TBL1XR1: variants seen among roughly 807,000 people sequenced by gnomAD.
TBL1XR1 encodes F-box-like/WD repeat-containing protein TBL1XR1.
A neutral mutation model predicts 66.9 loss-of-function variants in TBL1XR1; 5 were observed. That is an observed-to-expected ratio of 0.07 (90% CI 0.04 to 0.16). The LOEUF (loss-of-function observed/expected upper bound fraction) is 0.16, where lower values mean the gene tolerates loss of function less well. TBL1XR1 is among the 10% of genes least tolerant of loss of function. TBL1XR1 has a pLI of 1.00. For synonymous variants in TBL1XR1, 210 were observed against 206.0 expected (o/e 1.02, Z -0.17); for missense variants, 238 against 623.2 (o/e 0.38, Z 6.58).
At chr3:177,159,671 A>T (rs1378181958) in intron 1 of TBL1XR1, among the ~76,000 whole-genome samples, 2 of 152,220 alleles carry the variant, frequency 1.3e-5, no homozygotes, top group Admixed American at 1.3e-4. Context: ...AAGTCATCCA[A>T]GTAAATAATT....
intron 1 of TBL1XR1, among the ~76,000 whole-genome samples, chr3:177,185,569 T>A (rs76816627): frequency 6.6e-6 from 1 of 151,804 alleles, no homozygotes; most frequent in African/African-American, 2.4e-5. Flanking sequence ...ATCAACGCCA[T>A]TGCACTCCAG....
intron 1 of TBL1XR1, among the ~76,000 whole-genome samples, chr3:177,128,804 G>A (rs187826350): frequency 6.6e-6 from 1 of 152,206 alleles, no homozygotes; most frequent in African/African-American, 2.4e-5. Flanking sequence ...TGAATGTCAT[G>A]AAATATCTCT....
chr3:177,191,052 C>A (rs1736082659), intron 1 of TBL1XR1, among the ~76,000 whole-genome samples: 1 of 152,148 alleles, frequency 6.6e-6, no homozygotes, highest in South Asian at 2.1e-4. Flanking sequence ...AAGGGAACAA[C>A]AGCATGCACA....
intron 1 of TBL1XR1, among the ~76,000 whole-genome samples, chr3:177,117,411 T>C (rs1352440568): frequency 6.6e-6 from 1 of 152,232 alleles, no homozygotes; most frequent in Admixed American, 6.5e-5. Context: ...TATTTTAAAA[T>C]AGTACCTTTA....
chr3:177,054,531 C>CA (rs1375494287), intron 3 of TBL1XR1, among the ~76,000 whole-genome samples: 1 of 152,092 alleles, frequency 6.6e-6, no homozygotes, highest in Non-Finnish European at 1.5e-5. Context: ...GTCTGTAAAG[C>CA]AATCTAGCAC....
chr3:177,114,855 T>C (rs1367227402), intron 1 of TBL1XR1, among the ~76,000 whole-genome samples: 1 of 151,952 alleles, frequency 6.6e-6, no homozygotes, highest in African/African-American at 2.4e-5. Context: ...GGCATGCACT[T>C]GTAGTCCCAG....
chr3:177,088,857 T>C (rs1322184832), intron 2 of TBL1XR1, among the ~76,000 whole-genome samples: 1 of 151,558 alleles, frequency 6.6e-6, no homozygotes, highest in Non-Finnish European at 1.5e-5. Flanking sequence ...ACAATGTCCT[T>C]CTTTCTTCAC....
intron 1 of TBL1XR1, among the ~76,000 whole-genome samples, chr3:177,103,284 T>C (rs1724457881): frequency 1.3e-5 from 2 of 152,236 alleles, no homozygotes; most frequent in Non-Finnish European, 2.9e-5. Context: ...AATCACATTA[T>C]TAGTGTAAAA....
intron 1 of TBL1XR1, among the ~76,000 whole-genome samples, chr3:177,107,150 A>C (rs760750382): frequency 1.1e-4 from 16 of 152,188 alleles, no homozygotes; most frequent in Non-Finnish European, 2.1e-4. Context: ...TACTAAACTG[A>C]AAACTGTCAT....
At chr3:177,146,589 C>CAAAAAAAAAAAAAAAAAAAA (rs78065426) in intron 1 of TBL1XR1, among the ~76,000 whole-genome samples, 583 of 51,890 alleles carry the variant, frequency 0.011, 115 homozygotes, top group Middle Eastern at 0.038. Context: ...GACTCCATCT[C>CAAAAAAAAAAAAAAAAAAAA]AAAAAAAAAA....
intron 2 of TBL1XR1, among the ~76,000 whole-genome samples, chr3:177,083,594 A>G (rs920723178): frequency 6.6e-6 from 1 of 152,196 alleles, no homozygotes; most frequent in Non-Finnish European, 1.5e-5. Flanking sequence ...TTATCTTAAC[A>G]TTTTACTATG....
chr3:177,133,293 A>C (rs1393611667), intron 1 of TBL1XR1, among the ~76,000 whole-genome samples: 1 of 152,136 alleles, frequency 6.6e-6, no homozygotes, highest in African/African-American at 2.4e-5. Context: ...GTCTCAAAAA[A>C]TAAAAAATAA....
At chr3:177,053,187 G>C (rs1264242879) in intron 4 of TBL1XR1, among the ~76,000 whole-genome samples, 1 of 152,154 alleles carries the variant, frequency 6.6e-6, no homozygotes, top group South Asian at 2.1e-4. Flanking sequence ...AGAGTAGACA[G>C]TAAATATTAA....
At chr3:177,160,085 G>A (rs1731994192) in intron 1 of TBL1XR1, among the ~76,000 whole-genome samples, 1 of 152,052 alleles carries the variant, frequency 6.6e-6, no homozygotes, top group African/African-American at 2.4e-5. Context: ...GAGCAAGAGG[G>A]AACAAAATAA....
At chr3:177,166,300 G>A (rs1732815607) in intron 1 of TBL1XR1, among the ~76,000 whole-genome samples, 1 of 152,098 alleles carries the variant, frequency 6.6e-6, no homozygotes, top group Admixed American at 6.6e-5. Flanking sequence ...CTCACCAATA[G>A]GGAAACATAC....
intron 2 of TBL1XR1, among the ~76,000 whole-genome samples, chr3:177,068,937 A>T (rs560156558): frequency 2.0e-4 from 30 of 152,344 alleles, no homozygotes; most frequent in Admixed American, 2.0e-3. Context: ...TACAAACATA[A>T]CTTAGTCCAA....
At chr3:177,093,567 A>G (rs1400214629) in intron 2 of TBL1XR1, among the ~76,000 whole-genome samples, 2 of 152,192 alleles carry the variant, frequency 1.3e-5, no homozygotes, top group Non-Finnish European at 2.9e-5. Context: ...ACCTGATCTC[A>G]AACTATACTA....
chr3:177,099,415 GAGAC>G (rs1723915971), intron 1 of TBL1XR1: 1 of 152,214 alleles, frequency 6.6e-6, no homozygotes, highest in African/African-American at 2.4e-5. Flanking sequence ...CATGTCAGAG[GAGAC>G]TCTTAGTTGG....
At chr3:177,084,087 C>CAAA (rs36022409) in intron 2 of TBL1XR1, among the ~76,000 whole-genome samples, 17 of 74,030 alleles carry the variant, frequency 2.3e-4, no homozygotes, top group African/African-American at 7.6e-4. Flanking sequence ...GACTCCGTCT[C>CAAA]AAAAAAAAAA....
Sources: allele counts gnomAD v4.1 joint callset (sites outside exome capture counted in the v4.1 genomes callset), GRCh38; gene constraint gnomAD v4.1.1; transcripts MANE v1.5; gene names NCBI Gene and HGNC (gene_info 2026-07-23, HGNC 2026-07-21).